Variants in SLC4A5 observed in about 807,000 individuals in gnomAD.
SLC4A5 encodes solute carrier family 4 member 5.
A neutral mutation model predicts 120.4 loss-of-function variants in SLC4A5; 96 were observed. The ratio of observed to expected loss-of-function variants is 0.80; its 90% confidence interval spans 0.68 to 0.94. The LOEUF is 0.94. SLC4A5 is among the 40% of genes least tolerant of loss of function. The probability of loss-of-function intolerance (pLI) is 0.00; values close to 1 mark genes in which losing one functional copy is unlikely to be tolerated. For synonymous variants in SLC4A5, 550 were observed against 571.1 expected (o/e 0.96, Z 0.53); for missense variants, 1,259 against 1,459.5 (o/e 0.86, Z 2.24).
intron 7 of SLC4A5, among the ~76,000 whole-genome samples, chr2:74,299,308 G>A (rs748064759): frequency 5.9e-5 from 9 of 152,148 alleles, no homozygotes; most frequent in Non-Finnish European, 1.3e-4. Context: ...CTGAGATTGC[G>A]CCATTGCACT....
At chr2:74,331,529 C>A (rs1425412282) in intron 4 of SLC4A5, among the ~76,000 whole-genome samples, 1 of 151,858 alleles carries the variant, frequency 6.6e-6, no homozygotes, top group East Asian at 1.9e-4. Context: ...TGTGGAAGAA[C>A]CTGTCCTCCT....
At chr2:74,309,607 T>C (rs1042350669) in intron 6 of SLC4A5, among the ~76,000 whole-genome samples, 5 of 152,148 alleles carry the variant, frequency 3.3e-5, no homozygotes, top group African/African-American at 9.7e-5. Flanking sequence ...ATAGATCAAG[T>C]TGGGGAGAAC....
At chr2:74,248,129 T>C (rs572233413) in intron 18 of SLC4A5, among the ~76,000 whole-genome samples, 1 of 152,314 alleles carries the variant, frequency 6.6e-6, no homozygotes, top group African/African-American at 2.4e-5. Flanking sequence ...TCTCCTCTTG[T>C]CGTGGCTGGT....
chr2:74,227,146 G>T lies in SLC4A5; in HGVS notation c.2917-16C>A. 1 of 1,595,152 alleles carries T rather than the reference G, an allele frequency of 6.3e-7. No individual in the cohort carries two copies. Among genetic ancestry groups the T allele is most frequent in the Non-Finnish European group, 8.5e-7 (1 of 1,170,656 alleles). ...GTTCCCAGAACTAGGGGGACAGCGG[G>T]GGCTCAGCCAGGCAGCCAGACCCCG... On this transcript the variant is annotated splice_polypyrimidine_tract_variant and intron_variant, in intron 26 of 30. Coordinates refer to ENST00000394019, the Ensembl canonical transcript of SLC4A5.
intron 14 of SLC4A5, 139 bp downstream of exon 14, chr2:74,254,480 T>C (rs1670895421): frequency 1.4e-6 from 1 of 695,624 alleles, no homozygotes; most frequent in South Asian, 1.7e-5. Flanking sequence ...CTGATTCTCA[T>C]AATCTTTAGC....
At position 74,230,495 on chromosome 2, in the gene SLC4A5, G is replaced by C. The variant is rs573687079; in HGVS notation, c.2847+741C>G. Among the ~76,000 whole-genome samples, 28 of 152,320 alleles carry C rather than the reference G, an allele frequency of 1.8e-4. No individual in the cohort carries two copies. The South Asian group carries it at 5.2e-3, about 28-fold the overall frequency. Reference sequence around the variant, plus strand: ...GAGCTCAGGTGATCCTCCCGCCTCAGCCTCCTGAGTAGCCGGACTACAGGG... The same window carrying C: ...GAGCTCAGGTGATCCTCCCGCCTCACCCTCCTGAGTAGCCGGACTACAGGG... On this transcript the variant is annotated intron_variant, in intron 25 of 30. Transcript: ENST00000394019.
At chr2:74,250,239 T>A (rs952134437) in intron 17 of SLC4A5, 104 bp downstream of exon 17, 1 of 1,132,084 alleles carries the variant, frequency 8.8e-7, no homozygotes, top group South Asian at 1.5e-5. Flanking sequence ...TCAACCTGGA[T>A]GGTAGATGAA....
chr2:74,275,623 G>T (rs376939712), intron 8 of SLC4A5, among the ~76,000 whole-genome samples: 8 of 152,234 alleles, frequency 5.3e-5, no homozygotes, highest in African/African-American at 1.9e-4. Flanking sequence ...CCTTCCCAAG[G>T]GCCAAGGTTG....
intron 7 of SLC4A5, among the ~76,000 whole-genome samples, chr2:74,302,453 C>A (rs1172365510): frequency 6.6e-6 from 1 of 152,012 alleles, no homozygotes. Flanking sequence ...CCTGTTTCTA[C>A]TAAAAATACA....
intron 8 of SLC4A5, among the ~76,000 whole-genome samples, chr2:74,273,669 A>G (rs1329561567): frequency 6.6e-6 from 1 of 152,220 alleles, no homozygotes; most frequent in Non-Finnish European, 1.5e-5. Flanking sequence ...TTCCTTCAAT[A>G]TCCAGCAAAG....
At chr2:74,290,165 A>G (rs752209933) in intron 7 of SLC4A5, 15 of 985,474 alleles carry the variant, frequency 1.5e-5, no homozygotes, top group Non-Finnish European at 1.8e-5. Context: ...CCAGACAAGA[A>G]GGCAAATAAA....
intron 25 of SLC4A5, among the ~76,000 whole-genome samples, chr2:74,229,265 G>GC (rs1315206554): frequency 2.0e-5 from 3 of 148,592 alleles, no homozygotes; most frequent in African/African-American, 7.4e-5. Context: ...TTTTTGGGGG[G>GC]GGCACGGAGT....
intron 22 of SLC4A5, among the ~76,000 whole-genome samples, chr2:74,234,118 G>T (rs1670189362): frequency 1.3e-5 from 2 of 150,364 alleles, no homozygotes; most frequent in Admixed American, 1.3e-4. Context: ...GTAAGTTCTA[G>T]AATCTGGACT....
intron 8 of SLC4A5, among the ~76,000 whole-genome samples, chr2:74,273,981 A>G (rs7573767): frequency 0.082 from 12,472 of 152,282 alleles, 1,094 homozygotes; most frequent in East Asian, 0.39. Context: ...CCTGGCCAAC[A>G]TGGCAAAACC....
intron 7 of SLC4A5, among the ~76,000 whole-genome samples, chr2:74,299,808 G>A (rs879274845): frequency 1.1e-4 from 17 of 151,668 alleles, no homozygotes; most frequent in Admixed American, 1.0e-3. Flanking sequence ...AAAATAATAT[G>A]GAAGTTCCTC....
chr2:74,292,707 G>A (rs1219346890), intron 7 of SLC4A5, among the ~76,000 whole-genome samples: 4 of 152,072 alleles, frequency 2.6e-5, no homozygotes, highest in African/African-American at 9.7e-5. Context: ...TGATCTAGTG[G>A]CCTGCAAACT....
chr2:74,252,464 T>C lies in SLC4A5; in HGVS notation c.1269-76A>G, dbSNP rs1352053149. The C allele has an allele frequency of 3.3e-6, 5 of 1,533,322 alleles. No homozygotes were observed. The East Asian group carries it at 9.1e-5, about 28-fold the overall frequency. 95.0% of individuals were successfully genotyped at this position (1,533,322 alleles called of 1,614,324 possible). A position where few individuals can be genotyped will look rare whatever the true frequency, so the allele number is the denominator to read the frequency against. On this transcript the variant is annotated intron_variant, in intron 15 of 30. Coordinates refer to ENST00000394019, the Ensembl canonical transcript of SLC4A5. The stretch of plus-strand genomic sequence containing the variant: ...CCTCTCCAACCAAAATTATGAAATA[T>C]CTTAAAAGACAGACAAAAATGCAGA...
intron 25 of SLC4A5, among the ~76,000 whole-genome samples, chr2:74,229,502 T>C (rs1694985335): frequency 6.6e-6 from 1 of 151,226 alleles, no homozygotes; most frequent in Non-Finnish European, 1.5e-5. Flanking sequence ...GTGATCCACC[T>C]GCCTCGGCCT....
chr2:74,221,637 G>T, intron 29 of SLC4A5, 136 bp from the exon 30 acceptor site: 1 of 841,516 alleles, frequency 1.2e-6, no homozygotes, highest in Non-Finnish European at 1.9e-6. Flanking sequence ...CGGGGCCTCA[G>T]AGATGTGTGG....
Sources: allele counts gnomAD v4.1 joint callset (sites outside exome capture counted in the v4.1 genomes callset), GRCh38; gene constraint gnomAD v4.1.1; transcripts MANE v1.5; gene names NCBI Gene and HGNC (gene_info 2026-07-23, HGNC 2026-07-21).